The following LDLRAD3 variants were observed in gnomAD, a reference collection of about 807,000 sequenced individuals.
LDLRAD3 encodes low density lipoprotein receptor class A domain containing 3, also known as low-density lipoprotein receptor class A domain-containing protein 3.
A neutral mutation model predicts 29.4 loss-of-function variants in LDLRAD3; 20 were observed. The ratio of observed to expected loss-of-function variants is 0.68; its 90% confidence interval spans 0.48 to 0.99. The LOEUF (loss-of-function observed/expected upper bound fraction) is 0.99, where lower values mean the gene tolerates loss of function less well. LDLRAD3 is among the 50% of genes least tolerant of loss of function. LDLRAD3 has a pLI of 0.00. For missense variants in LDLRAD3, 420 were observed against 454.3 expected (o/e 0.92, Z 0.69); for synonymous variants, 157 against 192.7 (o/e 0.81, Z 1.53).
chr11:36,058,119 A>G (rs1852648144), intron 2 of LDLRAD3, among the ~76,000 whole-genome samples: 1 of 152,168 alleles, frequency 6.6e-6, no homozygotes, highest in Non-Finnish European at 1.5e-5. Context: ...TTGCACATGA[A>G]ATCAAGTGTG....
chr11:36,197,263 A>T (rs1434155394), intron 4 of LDLRAD3: 1 of 152,278 alleles, frequency 6.6e-6, no homozygotes, highest in South Asian at 2.1e-4. Flanking sequence ...ATTTCCCCTC[A>T]TCCAAACACG....
chr11:36,108,761 T>A (rs1488391143), intron 4 of LDLRAD3, among the ~76,000 whole-genome samples: 1 of 152,052 alleles, frequency 6.6e-6, no homozygotes, highest in Non-Finnish European at 1.5e-5. Context: ...CTGGGGTGGA[T>A]GTCAAAGAAA....
chr11:36,108,854 G>T (rs1393733708), intron 4 of LDLRAD3, among the ~76,000 whole-genome samples: 1 of 152,126 alleles, frequency 6.6e-6, no homozygotes, highest in Non-Finnish European at 1.5e-5. Context: ...CCTCAGTATA[G>T]AACTGGGTTC....
At chr11:36,164,566 C>T (rs78492366) in intron 4 of LDLRAD3, among the ~76,000 whole-genome samples, 6 of 152,322 alleles carry the variant, frequency 3.9e-5, no homozygotes, top group East Asian at 1.9e-4. Flanking sequence ...CAGCAGGGTC[C>T]GATATAATCC....
chr11:36,023,393 A>T (rs1177678451), intron 1 of LDLRAD3, among the ~76,000 whole-genome samples: 1 of 152,092 alleles, frequency 6.6e-6, no homozygotes, highest in African/African-American at 2.4e-5. Flanking sequence ...TGAGTAGAGA[A>T]GGTCAGAGTT....
chr11:36,113,892 TC>T (rs1853639308), intron 4 of LDLRAD3, among the ~76,000 whole-genome samples: 1 of 152,172 alleles, frequency 6.6e-6, no homozygotes, highest in African/African-American at 2.4e-5. Flanking sequence ...CAGGCCGGTC[TC>T]AAACTCCTAA....
At chr11:35,988,830 AC>A (rs1051777756) in intron 1 of LDLRAD3, 1 of 149,914 alleles carries the variant, frequency 6.7e-6, no homozygotes, top group Non-Finnish European at 1.5e-5. Context: ...TGATCTGCTC[AC>A]CTCGGCCTCC....
intron 2 of LDLRAD3, among the ~76,000 whole-genome samples, chr11:36,048,801 A>G (rs1852489401): frequency 6.6e-6 from 1 of 152,174 alleles, no homozygotes; most frequent in African/African-American, 2.4e-5. Context: ...GGGACCTGCC[A>G]CTGCTTTCTT....
chr11:36,140,638 C>T (rs983693268), intron 4 of LDLRAD3, among the ~76,000 whole-genome samples: 2 of 152,020 alleles, frequency 1.3e-5, no homozygotes, highest in Non-Finnish European at 2.9e-5. Context: ...CCAGGCTGGT[C>T]CTGAACTCCT....
chr11:35,948,452 G>A (rs1851088756), intron 1 of LDLRAD3, among the ~76,000 whole-genome samples: 2 of 151,956 alleles, frequency 1.3e-5, no homozygotes, highest in South Asian at 4.2e-4. Flanking sequence ...GTGTGTGTGT[G>A]TGTGTGTGTG....
intron 1 of LDLRAD3, among the ~76,000 whole-genome samples, chr11:35,969,816 C>T (rs1343213237): frequency 6.6e-6 from 1 of 152,180 alleles, no homozygotes; most frequent in African/African-American, 2.4e-5. Flanking sequence ...GCATGTGGGG[C>T]CCACGTGCAT....
intron 2 of LDLRAD3, among the ~76,000 whole-genome samples, chr11:36,070,628 G>A (rs1852884352): frequency 6.6e-6 from 1 of 152,182 alleles, no homozygotes; most frequent in Non-Finnish European, 1.5e-5. Flanking sequence ...GTATAAGAAG[G>A]TGGTAGAATC....
chr11:36,211,901 G>C (rs1158040201), intron 4 of LDLRAD3, among the ~76,000 whole-genome samples: 2 of 152,174 alleles, frequency 1.3e-5, no homozygotes, highest in African/African-American at 2.4e-5. Flanking sequence ...CGCTCTGGCT[G>C]CTGACTCGGC....
rs76908409 is a variant in LDLRAD3, at chr11:36,202,381, T to C, written c.455-24704T>C. Reference sequence around the variant, plus strand: ...AATGCAGGATGTAGGAATTGGACTATAGCAGGAATACCCAATAATAATAGT... The same window carrying C: ...AATGCAGGATGTAGGAATTGGACTACAGCAGGAATACCCAATAATAATAGT... On this transcript the variant is annotated intron_variant, in intron 4 of 5. Transcript: ENST00000315571. Among the ~76,000 whole-genome samples the C allele has an allele frequency of 8.4e-3, 1,285 of 152,274 alleles. 23 individuals carry two copies. The highest frequency in any genetic ancestry group is 0.029 in the African/African-American group (1,221 of 41,568).
At chr11:35,984,327 C>T (rs867536743) in intron 1 of LDLRAD3, among the ~76,000 whole-genome samples, 1 of 152,054 alleles carries the variant, frequency 6.6e-6, no homozygotes, top group South Asian at 2.1e-4. Flanking sequence ...CATGCTAGGC[C>T]TGTGAAGTGG....
chr11:36,144,550 G>A (rs11033461), intron 4 of LDLRAD3, among the ~76,000 whole-genome samples: 47,092 of 148,356 alleles, frequency 0.32, 7,364 homozygotes, highest in Admixed American at 0.44. Flanking sequence ...CGCCCCGTCT[G>A]GGATGTGAGG....
At chr11:35,949,728 C>G (rs1029578376) in intron 1 of LDLRAD3, among the ~76,000 whole-genome samples, 3 of 152,158 alleles carry the variant, frequency 2.0e-5, no homozygotes, top group African/African-American at 7.2e-5. Context: ...CCAAACCTTC[C>G]TTAAGAATTG....
chr11:36,036,193 C>A lies in LDLRAD3; in HGVS notation c.137C>A (p.Ala46Asp). Residue 46 changes from alanine (A) to aspartate (D), a missense_variant, in exon 2 of 6, where the codon GCC becomes GAC. By Grantham distance (126) the Ala-to-Asp change is moderately radical. Transcript: ENST00000315571. The part of the protein sequence containing the change: ...MCSNGRCIPG[A>D]WQCDGLPDCF... Reference sequence around the variant, plus strand: ...AGCAATGGACGGTGCATCCCGGGCGCCTGGCAGTGTGACGGGCTGCCTGAC... The same window carrying A: ...AGCAATGGACGGTGCATCCCGGGCGACTGGCAGTGTGACGGGCTGCCTGAC... 2.5e-6 allele frequency: 4 copies of A among 1,614,190 alleles called. No individual in the cohort carries two copies. Among genetic ancestry groups the A allele is most frequent in the Non-Finnish European group, 3.4e-6 (4 of 1,180,036 alleles).
chr11:36,191,576 C>CTCTCTCTCTCTCTCTATA (rs377747518), intron 4 of LDLRAD3, among the ~76,000 whole-genome samples: 3 of 53,434 alleles, frequency 5.6e-5, no homozygotes, highest in African/African-American at 8.3e-5. Context: ...CTCTCTCTCT[C>CTCTCTCTCTCTCTCTATA]TATATATATA....
Sources: gnomAD v4.1 joint callset for allele counts (sites outside exome capture counted in the v4.1 genomes callset) on GRCh38, gnomAD v4.1.1 for gene constraint, MANE v1.5 for transcripts, NCBI Gene and HGNC (gene_info 2026-07-23, HGNC 2026-07-21) for gene names.